The following CCT7 variants were observed in gnomAD, a reference collection of about 807,000 sequenced individuals.
The protein encoded by CCT7 is chaperonin containing TCP1 subunit 7.
A neutral mutation model predicts 56.6 loss-of-function variants in CCT7; 16 were observed. The ratio of observed to expected loss-of-function variants is 0.28; its 90% confidence interval spans 0.19 to 0.43. CCT7 has a LOEUF of 0.43. CCT7 is among the 20% of genes least tolerant of loss of function. The probability of loss-of-function intolerance (pLI) is 1.00; values close to 1 mark genes in which losing one functional copy is unlikely to be tolerated. For synonymous variants in CCT7, 262 were observed against 254.8 expected (o/e 1.03, Z -0.27); for missense variants, 519 against 685.6 (o/e 0.76, Z 2.71).
At chr2:73,252,496 T>C (rs1038127004) in intron 11 of CCT7, 144 bp from the exon 12 acceptor site, 40 of 655,042 alleles carry the variant, frequency 6.1e-5, no homozygotes, top group South Asian at 1.5e-4. Context: ...GGCATGCTCA[T>C]AGGAAGATGC....
Position 73,250,533 on chromosome 2 carries a change from A to G in CCT7, c.1203+95A>G. 14 of 1,419,398 alleles carry G rather than the reference A, an allele frequency of 9.9e-6. No homozygotes were observed. The South Asian group carries it at 1.6e-4, about 16-fold the overall frequency. 87.9% of individuals were successfully genotyped at this position (1,419,398 alleles called of 1,614,324 possible). ...ATTTGTGTGGTGATTCCTTCTCTAT[A>G]TAACCTGCCCTTTCCTGGGTGGTGT... On this transcript the variant is annotated intron_variant, in intron 10 of 11. Coordinates refer to ENST00000258091, the MANE Select transcript of CCT7 (RefSeq NM_006429.4).
intron 1 of CCT7, 84 bp downstream of exon 1, chr2:73,234,468 G>T: frequency 6.6e-7 from 1 of 1,506,902 alleles, no homozygotes; most frequent in Non-Finnish European, 9.1e-7. Context: ...TGCTCTGTAG[G>T]ACCCTCTTTT....
chr2:73,236,319 C>T (rs1325722237), intron 1 of CCT7, among the ~76,000 whole-genome samples: 1 of 151,974 alleles, frequency 6.6e-6, no homozygotes, highest in Non-Finnish European at 1.5e-5. Flanking sequence ...TGGCCAATTA[C>T]TGGAGTCTGC....
chr2:73,239,955 G>C, intron 2 of CCT7, 159 bp downstream of exon 2: 3 of 661,728 alleles, frequency 4.5e-6, no homozygotes, highest in African/African-American at 3.7e-5. Context: ...TGTCCTGACT[G>C]CTGAGCCCGT....
chr2:73,251,459 A>AG, intron 11 of CCT7, 27 bp downstream of exon 11: 12 of 515,352 alleles, frequency 2.3e-5, no homozygotes, highest in South Asian at 3.1e-5. Flanking sequence ...CCCAGGGTTC[A>AG]GGGTTTGGGC....
Position 73,251,268 on chromosome 2 carries a change from C to T in CCT7, c.1246C>T (p.Leu416Phe). ...VAGGGAIEMELSKYLRDYSRT... is the reference protein window; with the variant it reads ...VAGGGAIEMEFSKYLRDYSRT... ...TGGTGGCGGGGCCATTGAGATGGAA[C>T]TCTCCAAGTACCTGCGGGATTACTC... Residue 416 changes from leucine (L) to phenylalanine (F), a missense_variant, in exon 11 of 12, where the codon CTC becomes TTC. Coordinates refer to ENST00000258091, the MANE Select transcript of CCT7 (RefSeq NM_006429.4). 6.2e-7 allele frequency: 1 copy of T among 1,614,206 alleles called. No homozygotes were observed. Among genetic ancestry groups the T allele is most frequent in the Non-Finnish European group, 8.5e-7 (1 of 1,180,044 alleles).
intron 1 of CCT7, chr2:73,237,796 C>T (rs1445876971): frequency 1.3e-5 from 2 of 152,188 alleles, no homozygotes; most frequent in African/African-American, 2.4e-5. Context: ...GGCATGGTGC[C>T]TCATGCCTGT....
At chr2:73,243,919 G>A in intron 4 of CCT7, 78 bp from the exon 5 acceptor site, 1 of 1,312,782 alleles carries the variant, frequency 7.6e-7, no homozygotes, top group South Asian at 1.2e-5. Flanking sequence ...AACAGACTCA[G>A]GACTATTGAG....
In CCT7 at chr2:73,244,039, G is replaced by A; in HGVS notation, c.436G>A (p.Ala146Thr). 6.2e-7 allele frequency: 1 copy of A among 1,613,018 alleles called. No individual in the cohort carries two copies. Among genetic ancestry groups the A allele is most frequent in the Non-Finnish European group, 8.5e-7 (1 of 1,179,622 alleles). Residue 146 changes from alanine to threonine, a missense_variant, in exon 5 of 12, where the codon GCA becomes ACA. Coordinates refer to ENST00000258091, the MANE Select transcript of CCT7 (RefSeq NM_006429.4). ...IKEIAVTVKK[A>T]DKVEQRKLLE... Reference sequence around the variant, plus strand: ...AGAGATTGCTGTGACCGTGAAGAAGGCAGATAAAGTGTAAGTCTGTAGTGG... The same window carrying A: ...AGAGATTGCTGTGACCGTGAAGAAGACAGATAAAGTGTAAGTCTGTAGTGG...
chr2:73,243,068 A>G lies in CCT7; in HGVS notation c.332A>G (p.Tyr111Cys). 2.5e-6 allele frequency: 4 copies of G among 1,613,974 alleles called. No homozygotes were observed. The highest frequency in any genetic ancestry group is 1.3e-5 in the African/African-American group (1 of 75,028). ...AAEFLKQVKP[Y>C]VEEGLHPQII... ...GAGTTTCTGAAGCAGGTGAAACCCTATGTGGAGGAAGGTTTACACCCCCAG... is the reference window on the plus strand; with the variant it reads ...GAGTTTCTGAAGCAGGTGAAACCCTGTGTGGAGGAAGGTTTACACCCCCAG... The change falls in exon 4 of 12, where the codon TAT (tyrosine) becomes TGT (cysteine). Residue 111 changes from tyrosine to cysteine, a missense_variant. Tyr to Cys is a radical substitution (Grantham distance 194, BLOSUM62 -2). Around this residue, in one of 3 missense-constraint regions of CCT7, gnomAD observed 276 missense variants for 357.3 expected, o/e 0.77. Coordinates refer to ENST00000258091, the MANE Select transcript of CCT7 (RefSeq NM_006429.4).
intron 1 of CCT7, chr2:73,235,598 A>G: frequency 1.0e-6 from 1 of 999,606 alleles, no homozygotes; most frequent in Non-Finnish European, 1.2e-6. Context: ...GAGGCAGCAT[A>G]GTACAGCAGT....
chr2:73,248,072 A>G (rs1049879110), intron 7 of CCT7, 146 bp downstream of exon 7: 17 of 715,274 alleles, frequency 2.4e-5, no homozygotes, highest in Non-Finnish European at 3.7e-5. Context: ...TTCTTTCCAT[A>G]CTCTGTGTTC....
chr2:73,244,792 T>C (rs1302664229), intron 6 of CCT7, 77 bp downstream of exon 6: 1 of 1,146,040 alleles, frequency 8.7e-7, no homozygotes, highest in Non-Finnish European at 1.2e-6. Flanking sequence ...GGCAGAGGGG[T>C]ACTCATTACA....
rs1400028032 is a variant in CCT7 at position 73,250,448 on chromosome 2, T to C, written c.1203+10T>C. On this transcript the variant is annotated intron_variant, in intron 10 of 11. Transcript: ENST00000258091. ...CAGGAGGGCCATCAAGGTACTGGGC[T>C]GATATCCTCCTGCTTGCACAGCCTA... 2.0e-5 allele frequency: 33 copies of C among 1,613,634 alleles called. No individual in the cohort carries two copies. The highest frequency in any genetic ancestry group is 2.8e-5 in the Non-Finnish European group (33 of 1,179,926).
Position 73,234,404 on chromosome 2 carries a change from T to G in CCT7, c.6+20T>G, listed in dbSNP as rs757314948. 4 of 1,612,828 alleles carry G rather than the reference T, an allele frequency of 2.5e-6. No individual in the cohort carries two copies. In the East Asian group the frequency reaches 8.9e-5, roughly 36 times the overall value. Reference sequence around the variant, plus strand: ...ATGATGGTGAGTGGCGTCTCGCGCATCCGTCGCCATCAGCTGCCATCTGGC... The same window carrying G: ...ATGATGGTGAGTGGCGTCTCGCGCAGCCGTCGCCATCAGCTGCCATCTGGC... On this transcript the variant is annotated intron_variant, in intron 1 of 11. Coordinates refer to ENST00000258091, the MANE Select transcript of CCT7 (RefSeq NM_006429.4).
At chr2:73,245,978 C>T (rs1288213056) in intron 6 of CCT7, among the ~76,000 whole-genome samples, 1 of 152,122 alleles carries the variant, frequency 6.6e-6, no homozygotes, top group Non-Finnish European at 1.5e-5. Context: ...GATTGGCATC[C>T]ACTTCTAATC....
chr2:73,239,478 A>C, intron 1 of CCT7, 165 bp from the exon 2 acceptor site: 2 of 624,538 alleles, frequency 3.2e-6, no homozygotes, highest in Non-Finnish European at 5.5e-6. Context: ...CTCTGGAGGT[A>C]GAGGCTGGTT....
At chr2:73,244,231 C>T in intron 5 of CCT7, 182 bp downstream of exon 5, 1 of 660,984 alleles carries the variant, frequency 1.5e-6, no homozygotes, top group South Asian at 2.0e-5. Flanking sequence ...TTCCTGTGGC[C>T]AAATTGGATG....
In CCT7 at chr2:73,244,065, GTTTT is replaced by G; in HGVS notation, c.446+30_446+33del. 37 of 1,437,226 alleles carry G rather than the reference GTTTT, an allele frequency of 2.6e-5. No homozygotes were observed. The highest frequency in any genetic ancestry group is 2.8e-5 in the Non-Finnish European group (30 of 1,060,176). 89.0% of individuals were successfully genotyped at this position (1,437,226 alleles called of 1,614,324 possible). On this transcript the variant is annotated intron_variant, in intron 5 of 11. Transcript: ENST00000258091. ...CAGATAAAGTGTAAGTCTGTAGTGG[GTTTT>G]TTTTTTTTTTTTTAAAGAGACGGAG...
Sources: gnomAD v4.1 joint callset for allele counts (sites outside exome capture counted in the v4.1 genomes callset) on GRCh38, gnomAD v4.1.1 for gene constraint, gnomAD v4.1.1 regional missense constraint, MANE v1.5 for transcripts, NCBI Gene and HGNC (gene_info 2026-07-23, HGNC 2026-07-21) for gene names.